The following SLC24A4 variants were observed in gnomAD, a reference collection of about 807,000 sequenced individuals.
SLC24A4 encodes solute carrier family 24 member 4.
In SLC24A4, 53 loss-of-function variants were observed where a neutral mutation model predicts 79.0. The observed-to-expected ratio is 0.67, with a 90% confidence interval of 0.54 to 0.84. SLC24A4 has a LOEUF of 0.84. Ranked by LOEUF, SLC24A4 falls within the 40% of genes least tolerant of loss-of-function variation. The probability of loss-of-function intolerance (pLI) is 0.00; values close to 1 mark genes in which losing one functional copy is unlikely to be tolerated. For missense variants in SLC24A4, 731 were observed against 822.0 expected, an observed-to-expected ratio of 0.89 and a Z score of 1.35; for synonymous variants, 323 against 323.8, an observed-to-expected ratio of 1.00 and a Z score of 0.03.
intron 2 of SLC24A4, among the ~76,000 whole-genome samples, chr14:92,367,660 A>G (rs1887929432): frequency 6.6e-6 from 1 of 152,220 alleles, no homozygotes; most frequent in Admixed American, 6.5e-5. Context: ...CCCTTCCTAC[A>G]GGAAAGGATC....
In SLC24A4 at chr14:92,493,651, GCTGAT is replaced by G. The variant is rs749701012; in HGVS notation, c.*27_*31del. ...TAGCGCTGAGTCGCGGCCCCTGGGA[GCTGAT>G]CTGGACACCCTGTGACACTGGCGTT... On this transcript the variant is annotated 3_prime_UTR_variant, in exon 17 of 17. Coordinates refer to ENST00000532405, the MANE Select transcript of SLC24A4 (RefSeq NM_153646.4). The G allele has an allele frequency of 5.0e-6, 8 of 1,612,750 alleles. No homozygotes were observed. Among genetic ancestry groups the G allele is most frequent in the Middle Eastern group, 1.7e-4 (1 of 5,972 alleles).
At chr14:92,448,432 C>A (rs191546346) in intron 9 of SLC24A4, among the ~76,000 whole-genome samples, 1 of 150,316 alleles carries the variant, frequency 6.7e-6, no homozygotes, top group Non-Finnish European at 1.5e-5. Flanking sequence ...CTCCTCATAC[C>A]GCGATACGTA....
chr14:92,493,899 G>A lies in SLC24A4; in HGVS notation c.*271G>A. ...AGACCCCTGAGCTGCCAACCACGGA[G>A]ATGTGCCAAGCATCTCATCTCTCCT... On this transcript the variant is annotated 3_prime_UTR_variant, in exon 17 of 17. Transcript: ENST00000532405. The A allele has an allele frequency of 2.1e-6, 1 of 468,088 alleles. No individual in the cohort carries two copies. Among genetic ancestry groups the A allele is most frequent in the Non-Finnish European group, 3.8e-6 (1 of 260,154 alleles). 29.0% of individuals were successfully genotyped at this position (468,088 alleles called of 1,614,324 possible). A position where few individuals can be genotyped will look rare whatever the true frequency, so the allele number is the denominator to read the frequency against.
chr14:92,409,189 A>G (rs1304975065), intron 2 of SLC24A4, among the ~76,000 whole-genome samples: 1 of 152,176 alleles, frequency 6.6e-6, no homozygotes, highest in Non-Finnish European at 1.5e-5. Flanking sequence ...TGGGTCTCCG[A>G]GGCCAGGAAG....
At chr14:92,336,480 G>A (rs1026067275) in intron 2 of SLC24A4, among the ~76,000 whole-genome samples, 1 of 152,198 alleles carries the variant, frequency 6.6e-6, no homozygotes, top group Non-Finnish European at 1.5e-5. Context: ...AGGTGGGAAC[G>A]CATGGCCGCC....
chr14:92,420,634 T>C lies in SLC24A4; in HGVS notation c.242-13278T>C, dbSNP rs182535494. Among the ~76,000 whole-genome samples, 423 of 152,312 alleles carry C rather than the reference T, an allele frequency of 2.8e-3. 1 individual carries two copies. The highest frequency in any genetic ancestry group is 9.3e-3 in the African/African-American group (388 of 41,568). On this transcript the variant is annotated intron_variant, in intron 2 of 16. Transcript: ENST00000532405. The stretch of plus-strand genomic sequence containing the variant: ...ATGATCAACAGCAGTAGCAGCTCAT[T>C]CTCACAATGTCAAGGTGCGTCCCAG...
intron 2 of SLC24A4, among the ~76,000 whole-genome samples, chr14:92,343,625 T>TC (rs1886311041): frequency 7.0e-6 from 1 of 142,094 alleles, no homozygotes; most frequent in Non-Finnish European, 1.6e-5. Flanking sequence ...TCTTTCTTTC[T>TC]TTCTTTCTTT....
chr14:92,433,985 T>C lies in SLC24A4; in HGVS notation c.315T>C (p.Leu105=), dbSNP rs561448488. The C allele has an allele frequency of 1.9e-6, 3 of 1,613,952 alleles. No individual in the cohort carries two copies. Among genetic ancestry groups the C allele is most frequent in the East Asian group, 4.5e-5 (2 of 44,884 alleles). Residue 105 remains leucine, a synonymous_variant, in exon 3 of 17, where the codon CTT becomes CTC. Transcript: ENST00000532405. ...ACGGAGCCGTCCTGCTGCACATCCTTGGTGTAAGTCGTCCTCCCAGAGTGG... is the reference window on the plus strand; with the variant it reads ...ACGGAGCCGTCCTGCTGCACATCCTCGGTGTAAGTCGTCCTCCCAGAGTGG... ...RQHGAVLLHI[L]GALYMFYALA... is the part of the protein sequence containing the mutation.
chr14:92,474,504 A>T (rs1454068836), intron 12 of SLC24A4, among the ~76,000 whole-genome samples: 3 of 151,810 alleles, frequency 2.0e-5, no homozygotes, highest in Non-Finnish European at 2.9e-5. Context: ...TTTTCTTTTG[A>T]GATGGAGTCT....
At chr14:92,364,354 T>C (rs1595168496) in intron 2 of SLC24A4, among the ~76,000 whole-genome samples, 1 of 151,088 alleles carries the variant, frequency 6.6e-6, no homozygotes, top group South Asian at 2.1e-4. Flanking sequence ...CAGAGCAGGG[T>C]GGGAAAGACA....
At chr14:92,434,267 A>G (rs908180667) in intron 3 of SLC24A4, among the ~76,000 whole-genome samples, 3 of 152,152 alleles carry the variant, frequency 2.0e-5, no homozygotes, top group African/African-American at 7.2e-5. Flanking sequence ...GATGGTACCT[A>G]TTACAGAGTG....
chr14:92,488,880 G>A (rs2139939899), intron 14 of SLC24A4, among the ~76,000 whole-genome samples: 1 of 152,320 alleles, frequency 6.6e-6, no homozygotes, highest in South Asian at 2.1e-4. Context: ...AACTGGCCCT[G>A]GAGTTCAGGC....
chr14:92,489,105 A>C (rs1004061845), intron 14 of SLC24A4, among the ~76,000 whole-genome samples: 4 of 152,086 alleles, frequency 2.6e-5, no homozygotes. Flanking sequence ...TCAGGGTAAC[A>C]TTGATATGAT....
In SLC24A4 at chr14:92,383,146, G is replaced by A. The variant is rs77957280; in HGVS notation, c.242-50766G>A. 6.6e-3 allele frequency among the ~76,000 whole-genome samples: 998 copies of A among 152,268 alleles called. 14 individuals carry two copies. Among genetic ancestry groups the A allele is most frequent in the African/African-American group, 0.023 (955 of 41,538 alleles). On this transcript the variant is annotated intron_variant, in intron 2 of 16. Transcript: ENST00000532405. Reference sequence around the variant, plus strand: ...CATTCGTCTTCATAAGAGCAGATGCGTTCTTCTCACAGTCACGTCTAAAGA... The same window carrying A: ...CATTCGTCTTCATAAGAGCAGATGCATTCTTCTCACAGTCACGTCTAAAGA...
chr14:92,344,374 G>T (rs1388265659), intron 2 of SLC24A4, among the ~76,000 whole-genome samples: 8 of 152,172 alleles, frequency 5.3e-5, no homozygotes, highest in African/African-American at 1.9e-4. Flanking sequence ...TGATATTTGG[G>T]GGATTGTTTG....
At chr14:92,363,226 C>T (rs896336766) in intron 2 of SLC24A4, among the ~76,000 whole-genome samples, 2 of 152,200 alleles carry the variant, frequency 1.3e-5, no homozygotes, top group African/African-American at 4.8e-5. Flanking sequence ...ACAGAGGTTA[C>T]ACTTTTAGGA....
intron 2 of SLC24A4, among the ~76,000 whole-genome samples, chr14:92,351,579 G>A (rs954455885): frequency 2.6e-5 from 4 of 152,214 alleles, no homozygotes; most frequent in Non-Finnish European, 4.4e-5. Flanking sequence ...CAGGCAGGCC[G>A]GGGGCTGTGG....
At chr14:92,358,465 A>G (rs1595159680) in intron 2 of SLC24A4, among the ~76,000 whole-genome samples, 2 of 152,072 alleles carry the variant, frequency 1.3e-5, no homozygotes. Flanking sequence ...CTACTGGGTG[A>G]TGACCGCTCA....
intron 11 of SLC24A4, among the ~76,000 whole-genome samples, chr14:92,454,870 A>C (rs192136040): frequency 0.026 from 3,920 of 152,344 alleles, 62 homozygotes; most frequent in Non-Finnish European, 0.042. Flanking sequence ...CCAATTCGGT[A>C]AAATTTGAAT....
Sources: allele counts gnomAD v4.1 joint callset (sites outside exome capture counted in the v4.1 genomes callset), GRCh38; gene constraint gnomAD v4.1.1; transcripts MANE v1.5; gene names NCBI Gene and HGNC (gene_info 2026-07-23, HGNC 2026-07-21).